CASKIN2: variants seen among roughly 807,000 people sequenced by gnomAD.
CASKIN2 encodes caskin-2.
CASKIN2 carries 41 observed loss-of-function variants against 107.1 expected under a neutral mutation model. The ratio of observed to expected loss-of-function variants is 0.38; its 90% CI spans 0.30 to 0.50. The LOEUF is 0.50. Ranked by LOEUF, CASKIN2 falls within the 20% of genes least tolerant of loss-of-function variation. The probability of loss-of-function intolerance (pLI) is 0.92; values close to 1 mark genes in which losing one functional copy is unlikely to be tolerated. For synonymous variants in CASKIN2, 724 were observed against 705.6 expected, an observed-to-expected ratio of 1.03 and a Z score of -0.41; for missense variants, 1,546 against 1,657.4, an observed-to-expected ratio of 0.93 and a Z score of 1.17.
chr17:75,505,601 G>A lies in CASKIN2; in HGVS notation c.886C>T (p.His296Tyr). Residue 296 changes from histidine to tyrosine, a missense_variant, in exon 10 of 20, where the codon CAC (histidine) becomes TAC (tyrosine). By Grantham distance (83) the His-to-Tyr change is moderately conservative. This residue lies in a region of CASKIN2 where 1,311 missense variants were observed against 1,311.0 expected (regional missense o/e 1.00). Coordinates refer to ENST00000321617, the MANE Select transcript of CASKIN2 (RefSeq NM_020753.5). This position sits in a 1 kb window ranked among gnomAD's most constrained non-coding sequence, Gnocchi z 5.1. ...CGGACATTGAGAGCAGTGGGATCGT[G>A]GAGGTTCCAGAAATCCTTGAGCGCT... ...VRALKDFWNL[H>Y]DPTALNVRAG... The A allele has an allele frequency of 4.3e-6, 7 of 1,613,578 alleles. No homozygotes were observed. The highest frequency in any genetic ancestry group is 5.9e-6 in the Non-Finnish European group (7 of 1,179,982).
At position 75,504,212 on chromosome 17, in the gene CASKIN2, C is replaced by T; in HGVS notation, c.1467+3G>A. 1 of 1,579,850 alleles carries T rather than the reference C, an allele frequency of 6.3e-7. No homozygotes were observed. Among genetic ancestry groups the T allele is most frequent in the Non-Finnish European group, 8.6e-7 (1 of 1,163,330 alleles). ...CCCACGGTGCACCCCGTGGAGGTCACACCTTCCCCTCCAGCAGCTGTTCTG... is the reference window on the plus strand; with the variant it reads ...CCCACGGTGCACCCCGTGGAGGTCATACCTTCCCCTCCAGCAGCTGTTCTG... On this transcript the variant is annotated splice_donor_region_variant and intron_variant, in intron 14 of 19. Transcript: ENST00000321617.
Position 75,502,638 on chromosome 17 carries a change from C to T in CASKIN2, c.2436G>A (p.Glu812=). 1.9e-6 allele frequency: 3 copies of T among 1,605,774 alleles called. No homozygotes were observed. The highest frequency in any genetic ancestry group is 2.2e-5 in the East Asian group (1 of 44,688). ...SRPGPTEGDA[E]GEAEGPVGST... ...TGCCCACTGGCCCTTCGGCCTCCCC[C>T]TCAGCATCCCCCTCTGTGGGGCCAG... The change falls in exon 18 of 20, where the codon GAG becomes GAA. Residue 812 remains glutamate, a synonymous_variant. Transcript: ENST00000321617. The surrounding 1 kb of genome is among the most constrained non-coding windows in gnomAD (Gnocchi z 4.3).
At position 75,501,915 on chromosome 17, in the gene CASKIN2, A is replaced by G. The variant is rs763909353; in HGVS notation, c.3159T>C (p.Leu1053=). The change falls in exon 18 of 20, where the codon CTT becomes CTC. Residue 1053 remains leucine, a synonymous_variant. Transcript: ENST00000321617. The part of the protein sequence containing the change: ...SLPAQGVPTP[L]APSPAMQPPV... ...GAGGCTGCATGGCGGGGCTGGGAGC[A>G]AGGGGGGTTGGAACTCCTTGGGCTG... 3.9e-5 allele frequency: 61 copies of G among 1,580,962 alleles called. No homozygotes were observed. Among genetic ancestry groups the G allele is most frequent in the Non-Finnish European group, 5.0e-5 (58 of 1,162,382 alleles).
intron 2 of CASKIN2, 32 bp downstream of exon 2, chr17:75,513,679 T>G: frequency 7.6e-7 from 1 of 1,321,834 alleles, no homozygotes; most frequent in Non-Finnish European, 1.1e-6. Flanking sequence ...GCGCTCGGCC[T>G]CAGCGGGATG....
rs948201808 is a variant in CASKIN2, at chr17:75,502,867, G to T, written c.2207C>A (p.Thr736Lys). Residue 736 changes from threonine (T) to lysine (K), a missense_variant, in exon 18 of 20, where the codon ACA becomes AAA. Thr to Lys is a moderately conservative substitution (Grantham distance 78). Around this residue, in one of 6 missense-constraint regions of CASKIN2, gnomAD observed 1,311 missense variants for 1,311.0 expected, o/e 1.00. Transcript: ENST00000321617. The surrounding 1 kb of genome is among the most constrained non-coding windows in gnomAD (Gnocchi z 4.3). ...PPQERNLPEGTERPPKLCSSL... is the reference protein window; with the variant it reads ...PPQERNLPEGKERPPKLCSSL... Reference sequence around the variant, plus strand: ...AGAACAAAGCTTAGGGGGCCGCTCTGTGCCCTCTGGGAGGTTCCTCTCCTG... The same window carrying T: ...AGAACAAAGCTTAGGGGGCCGCTCTTTGCCCTCTGGGAGGTTCCTCTCCTG... The T allele has an allele frequency of 4.5e-6, 7 of 1,546,104 alleles. No individual in the cohort carries two copies. The highest frequency in any genetic ancestry group is 4.4e-6 in the Non-Finnish European group (5 of 1,146,360).
chr17:75,505,671 G>T lies in CASKIN2; in HGVS notation c.836-20C>A. On this transcript the variant is annotated intron_variant, in intron 9 of 19. Coordinates refer to ENST00000321617, the MANE Select transcript of CASKIN2 (RefSeq NM_020753.5). The surrounding 1 kb of genome is among the most constrained non-coding windows in gnomAD (Gnocchi z 5.1). ...AGGCCTCTAAGAAAACGGGGTGGGGGACAGGTGTCATCTAAGGGTCCTTAG... is the reference window on the plus strand; with the variant it reads ...AGGCCTCTAAGAAAACGGGGTGGGGTACAGGTGTCATCTAAGGGTCCTTAG... The T allele has an allele frequency of 6.2e-7, 1 of 1,608,968 alleles. No individual in the cohort carries two copies. The highest frequency in any genetic ancestry group is 8.5e-7 in the Non-Finnish European group (1 of 1,177,490).
chr17:75,504,671 G>A lies in CASKIN2; in HGVS notation c.1215C>T (p.Gly405=). The change falls in exon 12 of 20, where the codon GGC becomes GGT. Residue 405 remains glycine, a synonymous_variant. Coordinates refer to ENST00000321617, the MANE Select transcript of CASKIN2 (RefSeq NM_020753.5). ...GGATGCTGCCCACGCTGCCCTCACT[G>A]CCCACACTATTCCTGTCACCTGCTG... is the stretch of plus-strand genomic sequence containing the variant. ...DSPAGDRNSV[G]SEGSVGSIRS... is the part of the protein sequence containing the mutation. The A allele has an allele frequency of 1.2e-6, 2 of 1,601,250 alleles. No homozygotes were observed. The highest frequency in any genetic ancestry group is 1.1e-5 in the South Asian group (1 of 90,016).
intron 2 of CASKIN2, chr17:75,509,436 C>G: frequency 2.7e-6 from 1 of 364,448 alleles, no homozygotes; most frequent in Non-Finnish European, 3.8e-6. Flanking sequence ...GGGGAGGGAC[C>G]AACCTGGCAG....
At position 75,502,799 on chromosome 17, in the gene CASKIN2, G is replaced by A; in HGVS notation, c.2275C>T (p.Pro759Ser). The change falls in exon 18 of 20, where the codon CCC becomes TCC. Residue 759 changes from proline (P) to serine (S), a missense_variant. Physicochemically the swap from Pro to Ser is moderately conservative, Grantham distance 74. Coordinates refer to ENST00000321617, the MANE Select transcript of CASKIN2 (RefSeq NM_020753.5). This position sits in a 1 kb window ranked among gnomAD's most constrained non-coding sequence, Gnocchi z 4.3. ...GCCGGGCTAGAGGGTGAGCCCTGGG[G>A]GTACATAAAAACATAGGGTGGGGGT... ...QGPPPYVFMY[P>S]QGSPSSPAPG... The A allele has an allele frequency of 6.3e-7, 1 of 1,583,670 alleles. No homozygotes were observed. The highest frequency in any genetic ancestry group is 8.6e-7 in the Non-Finnish European group (1 of 1,165,028).
In CASKIN2 at chr17:75,514,201, TC is replaced by T. The variant is rs1330135006; in HGVS notation, c.-398del. 19 of 465,126 alleles carry T rather than the reference TC, an allele frequency of 4.1e-5. No individual in the cohort carries two copies. The highest frequency in any genetic ancestry group is 4.1e-5 in the Non-Finnish European group (11 of 265,292). The allele number at this position is 465,126 out of a possible 1,614,324, so 28.8% of individuals were successfully genotyped here. A position where few individuals can be genotyped will look rare whatever the true frequency, so the allele number is the denominator to read the frequency against. On this transcript the variant is annotated 5_prime_UTR_variant, in exon 2 of 20. Coordinates refer to ENST00000321617, the MANE Select transcript of CASKIN2 (RefSeq NM_020753.5). Reference sequence around the variant, plus strand: ...CTCAGGCAGCAGCGGTGCACTGGTCTCAGGGCTCTGGAAAAAGCACGGGGCC... The same window carrying T: ...CTCAGGCAGCAGCGGTGCACTGGTCTAGGGCTCTGGAAAAAGCACGGGGCC...
chr17:75,505,533 G>A lies in CASKIN2; in HGVS notation c.930+24C>T. 4 of 1,606,918 alleles carry A rather than the reference G, an allele frequency of 2.5e-6. No individual in the cohort carries two copies. Among genetic ancestry groups the A allele is most frequent in the Non-Finnish European group, 3.4e-6 (4 of 1,174,176 alleles). On this transcript the variant is annotated intron_variant, in intron 10 of 19. Coordinates refer to ENST00000321617, the MANE Select transcript of CASKIN2 (RefSeq NM_020753.5). This position sits in a 1 kb window ranked among gnomAD's most constrained non-coding sequence, Gnocchi z 5.1. ...ACAGCAATCATTTGTATTTGCAAAG[G>A]AATGCCTGCTTGGGGTCCCTCACCG...
At chr17:75,504,772 G>GCC (rs1373263136) in intron 11 of CASKIN2, 40 bp downstream of exon 11, 2 of 1,585,546 alleles carry the variant, frequency 1.3e-6, no homozygotes, top group African/African-American at 2.7e-5. Flanking sequence ...CAGGCCACAC[G>GCC]CCCACACAGT....
In CASKIN2 at chr17:75,503,356, G is replaced by A. The variant is rs201089915; in HGVS notation, c.1819+33C>T. On this transcript the variant is annotated intron_variant, in intron 17 of 19. Transcript: ENST00000321617. Reference sequence around the variant, plus strand: ...TCTCTTGGAGACCCCGGAGGCAGGTGGGGGCCCAGCCAGGCCTCAGGACAG... The same window carrying A: ...TCTCTTGGAGACCCCGGAGGCAGGTAGGGGCCCAGCCAGGCCTCAGGACAG... 4.3e-5 allele frequency: 68 copies of A among 1,597,664 alleles called. No homozygotes were observed. The African/African-American group carries it at 7.4e-4, about 17-fold the overall frequency.
rs1213656677 is a variant in CASKIN2, at chr17:75,502,870, C to G, written c.2204G>C (p.Gly735Ala). The change falls in exon 18 of 20, where the codon GGC becomes GCC. Residue 735 changes from glycine to alanine, a missense_variant. This residue lies in a region of CASKIN2 where 1,311 missense variants were observed against 1,311.0 expected (regional missense o/e 1.00). Transcript: ENST00000321617. This position sits in a 1 kb window ranked among gnomAD's most constrained non-coding sequence, Gnocchi z 4.3. ...ACAAAGCTTAGGGGGCCGCTCTGTG[C>G]CCTCTGGGAGGTTCCTCTCCTGGGG... is the stretch of plus-strand genomic sequence containing the variant. ...SPPQERNLPEGTERPPKLCSS... is the reference protein window; with the variant it reads ...SPPQERNLPEATERPPKLCSS... 2 of 1,544,830 alleles carry G rather than the reference C, an allele frequency of 1.3e-6. No homozygotes were observed. The highest frequency in any genetic ancestry group is 1.7e-6 in the Non-Finnish European group (2 of 1,145,890).
In CASKIN2 at chr17:75,504,252, G is replaced by A. The variant is rs1246526681; in HGVS notation, c.1430C>T (p.Thr477Ile). 6.2e-7 allele frequency: 1 copy of A among 1,603,584 alleles called. No homozygotes were observed. The highest frequency in any genetic ancestry group is 8.5e-7 in the Non-Finnish European group (1 of 1,175,764). ...CAGCTGTTCTGGCCGCACGTCCTGG[G>A]TGAAGATCTGCTCCCCAGAGCGGCA... is the stretch of plus-strand genomic sequence containing the variant. ...ANCRSGEQIF[T>I]QDVRPEQLLE... The change falls in exon 14 of 20, where the codon ACC (threonine) becomes ATC (isoleucine). Residue 477 changes from threonine (T) to isoleucine (I), a missense_variant. This residue lies in a region of CASKIN2 where 1,311 missense variants were observed against 1,311.0 expected (regional missense o/e 1.00). Coordinates refer to ENST00000321617, the MANE Select transcript of CASKIN2 (RefSeq NM_020753.5).
Position 75,506,382 on chromosome 17 carries a change from G to A in CASKIN2, c.649C>T (p.Arg217Cys), listed in dbSNP as rs370283661. Residue 217 changes from arginine to cysteine, a missense_variant, in exon 8 of 20, where the codon CGC becomes TGC. Coordinates refer to ENST00000321617, the MANE Select transcript of CASKIN2 (RefSeq NM_020753.5). This position sits in a 1 kb window ranked among gnomAD's most constrained non-coding sequence, Gnocchi z 4.8. ...QLLRAGIEIN[R>C]QTKTGTALHE... ...AGCGCCGTACCCGTCTTGGTCTGGC[G>A]GTTGATCTCGATCCCAGCTCTCAGG... 16 of 1,611,166 alleles carry A rather than the reference G, an allele frequency of 9.9e-6. No homozygotes were observed. The highest frequency in any genetic ancestry group is 8.0e-5 in the African/African-American group (6 of 74,834).
At position 75,505,040 on chromosome 17, in the gene CASKIN2, C is replaced by T; in HGVS notation, c.964G>A (p.Gly322Ser). The change falls in exon 11 of 20, where the codon GGC (glycine) becomes AGC (serine). Residue 322 changes from glycine (G) to serine (S), a missense_variant. Transcript: ENST00000321617. The surrounding 1 kb of genome is among the most constrained non-coding windows in gnomAD (Gnocchi z 5.1). ...LEQHPDGRWKGHIHESQRGTD... is the reference protein window; with the variant it reads ...LEQHPDGRWKSHIHESQRGTD... ...CCCCTCTGGCTCTCGTGGATGTGGCCCTTCCAGCGGCCGTCGGGATGCTGT... is the reference window on the plus strand; with the variant it reads ...CCCCTCTGGCTCTCGTGGATGTGGCTCTTCCAGCGGCCGTCGGGATGCTGT... The T allele has an allele frequency of 6.2e-7, 1 of 1,611,826 alleles. No homozygotes were observed. Among genetic ancestry groups the T allele is most frequent in the Non-Finnish European group, 8.5e-7 (1 of 1,179,712 alleles).
At chr17:75,507,393 AT>A (rs1214434565) in intron 4 of CASKIN2, among the ~76,000 whole-genome samples, 190 bp downstream of exon 4, 1 of 152,176 alleles carries the variant, frequency 6.6e-6, no homozygotes, top group African/African-American at 2.4e-5. Context: ...GAATAATGGG[AT>A]GTTAGTACCA....
chr17:75,502,871 C>T lies in CASKIN2; in HGVS notation c.2203G>A (p.Gly735Ser). 1.3e-6 allele frequency: 2 copies of T among 1,544,354 alleles called. No homozygotes were observed. The highest frequency in any genetic ancestry group is 1.7e-6 in the Non-Finnish European group (2 of 1,145,602). Reference sequence around the variant, plus strand: ...CAAAGCTTAGGGGGCCGCTCTGTGCCCTCTGGGAGGTTCCTCTCCTGGGGG... The same window carrying T: ...CAAAGCTTAGGGGGCCGCTCTGTGCTCTCTGGGAGGTTCCTCTCCTGGGGG... ...SPPQERNLPE[G>S]TERPPKLCSS... The change falls in exon 18 of 20, where the codon GGC becomes AGC. Residue 735 changes from glycine to serine, a missense_variant. Physicochemically the swap from Gly to Ser is moderately conservative, Grantham distance 56 (BLOSUM62 0). Around this residue, in one of 6 missense-constraint regions of CASKIN2, gnomAD observed 1,311 missense variants for 1,311.0 expected, o/e 1.00. Coordinates refer to ENST00000321617, the MANE Select transcript of CASKIN2 (RefSeq NM_020753.5). This position sits in a 1 kb window ranked among gnomAD's most constrained non-coding sequence, Gnocchi z 4.3.
Sources: allele counts gnomAD v4.1 joint callset (sites outside exome capture counted in the v4.1 genomes callset), GRCh38; gene constraint gnomAD v4.1.1; regional missense constraint gnomAD v4.1.1; non-coding constraint Gnocchi (gnomAD v3.1); transcripts MANE v1.5; gene names NCBI Gene and HGNC (gene_info 2026-07-23, HGNC 2026-07-21).